The following DPP10 variants were observed in gnomAD, a reference collection of about 807,000 sequenced individuals.
DPP10 encodes the protein inactive dipeptidyl peptidase 10.
A neutral mutation model predicts 120.9 loss-of-function variants in DPP10; 33 were observed. The ratio of observed to expected loss-of-function variants is 0.27; its 90% CI spans 0.21 to 0.37. DPP10 has a LOEUF of 0.37. Ranked by LOEUF, DPP10 falls within the 10% of genes least tolerant of loss-of-function variation. The pLI is 1.00. For synonymous variants in DPP10, 337 were observed against 326.1 expected, an observed-to-expected ratio of 1.03 and a Z score of -0.36; for missense variants, 816 against 942.8, an observed-to-expected ratio of 0.87 and a Z score of 1.76.
chr2:114,600,223 T>G (rs1692254076), intron 1 of DPP10, among the ~76,000 whole-genome samples: 2 of 151,678 alleles, frequency 1.3e-5, no homozygotes, highest in African/African-American at 4.8e-5. Context: ...TTTAAAAACT[T>G]TTTTCCCTCT....
chr2:114,981,017 A>T (rs1386488923), intron 1 of DPP10, among the ~76,000 whole-genome samples: 4 of 151,512 alleles, frequency 2.6e-5, no homozygotes, highest in African/African-American at 7.3e-5. Context: ...CCAAAACAAC[A>T]TAGCTGTTCT....
intron 1 of DPP10, among the ~76,000 whole-genome samples, chr2:114,679,144 A>T (rs1178994376): frequency 6.6e-6 from 1 of 152,044 alleles, no homozygotes; most frequent in African/African-American, 2.4e-5. Context: ...AATGCATGGC[A>T]GTTGTTTGAG....
chr2:115,203,071 G>C (rs979248538), intron 1 of DPP10, among the ~76,000 whole-genome samples: 1 of 152,166 alleles, frequency 6.6e-6, no homozygotes, highest in Non-Finnish European at 1.5e-5. Context: ...AAAACAGTCA[G>C]CTCTCTATGG....
At chr2:115,314,791 A>T (rs138216406) in intron 2 of DPP10, among the ~76,000 whole-genome samples, 2,673 of 152,232 alleles carry the variant, frequency 0.018, 94 homozygotes, top group African/African-American at 0.061. Context: ...CAATTAGTTC[A>T]TTTGAGTCAA....
intron 5 of DPP10, among the ~76,000 whole-genome samples, chr2:115,641,128 G>A (rs549760102): frequency 5.9e-4 from 90 of 152,134 alleles, no homozygotes; most frequent in Non-Finnish European, 7.1e-4. Context: ...CAAATCCAGC[G>A]GCTGCTCTTC....
intron 1 of DPP10, among the ~76,000 whole-genome samples, chr2:115,075,291 T>C (rs925375758): frequency 2.6e-5 from 4 of 152,236 alleles, no homozygotes; most frequent in Non-Finnish European, 4.4e-5. Context: ...CTTCAATAAA[T>C]GTCTCTTGCA....
At chr2:115,798,848 A>G (rs1031419968) in intron 19 of DPP10, among the ~76,000 whole-genome samples, 1 of 152,074 alleles carries the variant, frequency 6.6e-6, no homozygotes, top group African/African-American at 2.4e-5. Flanking sequence ...GCATTCTCTT[A>G]TAGCCGTTTT....
intron 4 of DPP10, among the ~76,000 whole-genome samples, chr2:115,524,486 T>A (rs915340013): frequency 6.6e-6 from 1 of 152,252 alleles, no homozygotes; most frequent in Non-Finnish European, 1.5e-5. Flanking sequence ...ACCCTCCCAA[T>A]GCATCCATAT....
At chr2:114,901,124 A>G (rs1693529112) in intron 1 of DPP10, among the ~76,000 whole-genome samples, 1 of 152,188 alleles carries the variant, frequency 6.6e-6, no homozygotes, top group African/African-American at 2.4e-5. Context: ...GGTTTACAAA[A>G]AGTCTATGGA....
At chr2:114,639,279 C>T (rs1695532662) in intron 1 of DPP10, among the ~76,000 whole-genome samples, 1 of 151,808 alleles carries the variant, frequency 6.6e-6, no homozygotes, top group African/African-American at 2.4e-5. Context: ...ACCATCAGAT[C>T]TCATGACACT....
At chr2:115,471,004 A>G (rs541608372) in intron 3 of DPP10, among the ~76,000 whole-genome samples, 29 of 152,078 alleles carry the variant, frequency 1.9e-4, no homozygotes, top group Admixed American at 4.6e-4. Context: ...CTCTACCTCT[A>G]TTATGTTCTT....
rs180752838 is a variant in DPP10 at position 115,146,128 on chromosome 2, C to T, written c.61-163111C>T. Reference sequence around the variant, plus strand: ...CTGCTAGTAAATGTTGAATCTATGACGCTGGGGTCTTTCTGACTCCAAATC... The same window carrying T: ...CTGCTAGTAAATGTTGAATCTATGATGCTGGGGTCTTTCTGACTCCAAATC... On this transcript the variant is annotated intron_variant, in intron 1 of 25. Coordinates refer to ENST00000410059, the MANE Select transcript of DPP10 (RefSeq NM_020868.6). Among the ~76,000 whole-genome samples, 13 of 152,166 alleles carry T rather than the reference C, an allele frequency of 8.5e-5. 1 individual carries two copies. In the Middle Eastern group the frequency reaches 0.017, roughly 199 times the overall value.
intron 1 of DPP10, among the ~76,000 whole-genome samples, chr2:115,019,077 C>T (rs1185993142): frequency 6.6e-6 from 1 of 151,282 alleles, no homozygotes; most frequent in African/African-American, 2.4e-5. Context: ...CATTCTCGCA[C>T]CCCCGCCCCT....
intron 1 of DPP10, among the ~76,000 whole-genome samples, chr2:115,173,957 C>A (rs2053535394): frequency 6.6e-6 from 1 of 152,150 alleles, no homozygotes; most frequent in Non-Finnish European, 1.5e-5. Context: ...GTAGAAGGAG[C>A]CTCACTCAAT....
At chr2:115,433,177 G>A (rs116717349) in intron 3 of DPP10, among the ~76,000 whole-genome samples, 10,103 of 151,894 alleles carry the variant, frequency 0.067, 440 homozygotes, top group Middle Eastern at 0.13. Flanking sequence ...TCCCTTTCTC[G>A]TAATGTAACA....
At chr2:115,481,159 C>A (rs2075402253) in intron 3 of DPP10, among the ~76,000 whole-genome samples, 1 of 152,090 alleles carries the variant, frequency 6.6e-6, no homozygotes, top group Non-Finnish European at 1.5e-5. Context: ...CTGCATGCTT[C>A]ACATTTGCCT....
intron 1 of DPP10, among the ~76,000 whole-genome samples, chr2:114,653,010 AAGAG>A (rs71297185): frequency 1.7e-3 from 202 of 120,428 alleles, no homozygotes; most frequent in African/African-American, 5.1e-3. Context: ...GAGAGAGAGA[AAGAG>A]AGAGAGAGAG....
At chr2:115,500,645 G>T (rs752814971) in intron 4 of DPP10, among the ~76,000 whole-genome samples, 2 of 151,844 alleles carry the variant, frequency 1.3e-5, no homozygotes, top group Non-Finnish European at 2.9e-5. Context: ...TAATAATAAG[G>T]TCATCAGCCA....
chr2:115,427,013 G>A (rs2070535796), intron 3 of DPP10, among the ~76,000 whole-genome samples: 1 of 152,216 alleles, frequency 6.6e-6, no homozygotes, highest in African/African-American at 2.4e-5. Context: ...CCAAAAGAAA[G>A]GGGCTGCAGG....
Sources: gnomAD v4.1 joint callset for allele counts (sites outside exome capture counted in the v4.1 genomes callset) on GRCh38, gnomAD v4.1.1 for gene constraint, MANE v1.5 for transcripts, NCBI Gene and HGNC (gene_info 2026-07-23, HGNC 2026-07-21) for gene names.